RBFOX1: variants seen among roughly 807,000 people sequenced by gnomAD.
The protein encoded by RBFOX1 is RNA binding fox-1 homolog 1.
RBFOX1 carries 8 observed loss-of-function variants against 57.7 expected under a neutral mutation model. The ratio of observed to expected loss-of-function variants is 0.14; its 90% CI spans 0.08 to 0.25. The LOEUF is 0.25. RBFOX1 is among the 10% of genes least tolerant of loss of function. RBFOX1 has a pLI of 1.00. For synonymous variants in RBFOX1, 326 were observed against 222.4 expected, an observed-to-expected ratio of 1.47 and a Z score of -4.15; for missense variants, 611 against 548.5, an observed-to-expected ratio of 1.11 and a Z score of -1.14.
intron 1 of RBFOX1, among the ~76,000 whole-genome samples, chr16:6,063,720 A>G (rs8045529): frequency 0.34 from 52,263 of 152,078 alleles, 9,511 homozygotes; most frequent in Non-Finnish European, 0.41. Flanking sequence ...CAGGGCAACC[A>G]GGAGCACAGA....
intron 1 of RBFOX1, among the ~76,000 whole-genome samples, chr16:6,166,858 C>G (rs796666119): frequency 6.6e-6 from 1 of 152,108 alleles, no homozygotes; most frequent in Non-Finnish European, 1.5e-5. Context: ...ACTGCAACCT[C>G]CACCTCCCGG....
At chr16:7,297,140 C>T (rs2095911282) in intron 4 of RBFOX1, among the ~76,000 whole-genome samples, 2 of 152,254 alleles carry the variant, frequency 1.3e-5, no homozygotes, top group South Asian at 4.1e-4. Context: ...TGAGCTTTCT[C>T]TTCATTGTGC....
intron 1 of RBFOX1, among the ~76,000 whole-genome samples, chr16:6,082,888 C>T (rs7194493): frequency 0.41 from 62,834 of 152,034 alleles, 14,571 homozygotes; most frequent in Non-Finnish European, 0.55. Flanking sequence ...GTGCTTATCA[C>T]GGAGCCTAGC....
At chr16:5,783,715 A>G (rs2054401479) in intron 3 of RBFOX1, among the ~76,000 whole-genome samples, 1 of 152,202 alleles carries the variant, frequency 6.6e-6, no homozygotes, top group Admixed American at 6.5e-5. Flanking sequence ...ATGGTTGTCT[A>G]AAATTCCAGC....
intron 4 of RBFOX1, among the ~76,000 whole-genome samples, chr16:7,226,088 C>G (rs774989222): frequency 3.9e-5 from 6 of 151,968 alleles, no homozygotes; most frequent in Admixed American, 1.3e-4. Context: ...GATGCTCACC[C>G]TCAACTCAGG....
intron 1 of RBFOX1, among the ~76,000 whole-genome samples, chr16:6,056,015 C>A (rs113699626): frequency 3.9e-5 from 6 of 152,228 alleles, no homozygotes; most frequent in African/African-American, 1.4e-4. Context: ...GAATTTGTTT[C>A]ATTTCTTTGC....
At chr16:6,616,401 G>T (rs1482246896) in intron 2 of RBFOX1, among the ~76,000 whole-genome samples, 3 of 151,476 alleles carry the variant, frequency 2.0e-5, no homozygotes, top group East Asian at 1.9e-4. Context: ...TTTTGGCCAG[G>T]CGTGATGGCT....
intron 3 of RBFOX1, among the ~76,000 whole-genome samples, chr16:5,717,604 T>C (rs540858257): frequency 2.0e-5 from 3 of 152,310 alleles, no homozygotes; most frequent in South Asian, 4.1e-4. Context: ...ATACGATATT[T>C]GGTTTTCCAT....
intron 4 of RBFOX1, among the ~76,000 whole-genome samples, chr16:7,303,559 T>C (rs1044115658): frequency 1.3e-5 from 2 of 152,110 alleles, no homozygotes; most frequent in African/African-American, 4.8e-5. Context: ...GTGAGTGTTT[T>C]TTTGAAACAA....
chr16:5,940,140 C>T (rs1211576854), intron 4 of RBFOX1, among the ~76,000 whole-genome samples: 2 of 152,098 alleles, frequency 1.3e-5, no homozygotes, highest in Non-Finnish European at 2.9e-5. Flanking sequence ...TCCCCTGAGA[C>T]CATGGGGAAA....
At chr16:7,645,918 A>T (rs1472467925) in intron 11 of RBFOX1, among the ~76,000 whole-genome samples, 4 of 151,170 alleles carry the variant, frequency 2.6e-5, no homozygotes, top group Non-Finnish European at 5.9e-5. Context: ...GACCGAAAGG[A>T]TGGAAGCTTT....
intron 3 of RBFOX1, among the ~76,000 whole-genome samples, chr16:5,733,394 T>G (rs1335077530): frequency 6.6e-6 from 1 of 152,138 alleles, no homozygotes; most frequent in Non-Finnish European, 1.5e-5. Flanking sequence ...TGATTCACAT[T>G]GCCAGGTGAT....
intron 1 of RBFOX1, among the ~76,000 whole-genome samples, chr16:5,246,819 C>T (rs1244466957): frequency 9.9e-5 from 15 of 152,028 alleles, no homozygotes; most frequent in Non-Finnish European, 1.5e-5. Flanking sequence ...TACAGGCATG[C>T]ACCACCACGC....
chr16:7,388,265 G>A (rs779367002), intron 4 of RBFOX1, among the ~76,000 whole-genome samples: 1 of 152,160 alleles, frequency 6.6e-6, no homozygotes, highest in Non-Finnish European at 1.5e-5. Context: ...TCCATGATGT[G>A]TTCGGGAAAA....
At chr16:6,552,729 T>C (rs904090316) in intron 2 of RBFOX1, among the ~76,000 whole-genome samples, 4 of 152,120 alleles carry the variant, frequency 2.6e-5, no homozygotes, top group African/African-American at 7.2e-5. Context: ...CATATGTGTG[T>C]ACATTTTATA....
chr16:6,851,739 A>G (rs2094078417), intron 3 of RBFOX1, among the ~76,000 whole-genome samples: 1 of 152,066 alleles, frequency 6.6e-6, no homozygotes, highest in African/African-American at 2.4e-5. Context: ...GCATGATTTG[A>G]TAAAGACTGG....
At chr16:6,423,129 T>G (rs1179417584) in intron 2 of RBFOX1, among the ~76,000 whole-genome samples, 1 of 152,212 alleles carries the variant, frequency 6.6e-6, no homozygotes, top group South Asian at 2.1e-4. Flanking sequence ...TTCATCATTG[T>G]TTTTCCTCCC....
intron 3 of RBFOX1, among the ~76,000 whole-genome samples, chr16:6,770,268 C>T (rs1385582318): frequency 2.0e-5 from 3 of 152,188 alleles, no homozygotes; most frequent in African/African-American, 7.2e-5. Context: ...ACAGGCTCCT[C>T]ATTTTACTTA....
intron 3 of RBFOX1, among the ~76,000 whole-genome samples, chr16:5,664,131 T>A: frequency 6.6e-6 from 1 of 152,236 alleles, no homozygotes. Context: ...CTGTGTCTGC[T>A]TCATCCATGT....
Sources: allele counts gnomAD v4.1 joint callset (sites outside exome capture counted in the v4.1 genomes callset), GRCh38; gene constraint gnomAD v4.1.1; transcripts MANE v1.5; gene names NCBI Gene and HGNC (gene_info 2026-07-23, HGNC 2026-07-21).